Variants in TP53BP1 observed in about 807,000 individuals in gnomAD.
TP53BP1 encodes the protein tumor protein p53 binding protein 1.
TP53BP1 carries 61 observed loss-of-function variants against 200.8 expected under a neutral mutation model. The ratio of observed to expected loss-of-function variants is 0.30; its 90% CI spans 0.25 to 0.38. The LOEUF (loss-of-function observed/expected upper bound fraction) is 0.38. Among genes scored for constraint, TP53BP1 ranks in the 10% least tolerant of loss-of-function variants. TP53BP1 has a pLI of 1.00. For synonymous variants in TP53BP1, 822 were observed against 844.3 expected (o/e 0.97, Z 0.46); for missense variants, 2,144 against 2,371.9 (o/e 0.90, Z 2.00).
rs752479498 is a variant in TP53BP1 at position 43,469,939 on chromosome 15, T to C, written c.1308A>G (p.Gln436=). 8 of 1,614,100 alleles carry C rather than the reference T, an allele frequency of 5.0e-6. No homozygotes were observed. The East Asian group carries it at 1.6e-4, about 31-fold the overall frequency. The part of the protein sequence containing the change: ...PLLPESTVSP[Q]ASTPISQSTP... Reference sequence around the variant, plus strand: ...TGCTCTGAGATATTGGTGTTGAGGCTTGTGGTGATACAGTGGACTCAGGCA... The same window carrying C: ...TGCTCTGAGATATTGGTGTTGAGGCCTGTGGTGATACAGTGGACTCAGGCA... The change falls in exon 11 of 28, where the codon CAA becomes CAG. Residue 436 remains glutamine (Q), a synonymous_variant. Transcript: ENST00000382044.
At chr15:43,477,085 G>GACCACAA (rs2078894447) in intron 8 of TP53BP1, among the ~76,000 whole-genome samples, 1 of 152,108 alleles carries the variant, frequency 6.6e-6, no homozygotes, top group African/African-American at 2.4e-5. Flanking sequence ...CGGATCACAA[G>GACCACAA]GTCAGGAGAT....
upstream of TP53BP1, among the ~76,000 whole-genome samples, chr15:43,495,690 G>A (rs139398490): frequency 6.5e-3 from 989 of 151,680 alleles, 9 homozygotes; most frequent in African/African-American, 0.023. Flanking sequence ...GCGGGCAGGC[G>A]CCTGTAGTCC....
chr15:43,499,071 T>A (rs925129677), intron 1 of TP53BP1, among the ~76,000 whole-genome samples: 9 of 149,982 alleles, frequency 6.0e-5, no homozygotes, highest in Non-Finnish European at 1.0e-4. Flanking sequence ...TATGTTTCAA[T>A]GGAAAGAAGG....
chr15:43,442,218 T>G (rs1485853980), intron 14 of TP53BP1, among the ~76,000 whole-genome samples: 2 of 151,508 alleles, frequency 1.3e-5, no homozygotes, highest in Non-Finnish European at 2.9e-5. Context: ...CCCCAGCAGC[T>G]GAAACTACAG....
intron 4 of TP53BP1, among the ~76,000 whole-genome samples, chr15:43,483,743 A>G (rs1595617824): frequency 6.6e-6 from 1 of 152,256 alleles, no homozygotes; most frequent in African/African-American, 2.4e-5. Context: ...AGAGGGAAAG[A>G]AAGTTCAAGA....
intron 14 of TP53BP1, among the ~76,000 whole-genome samples, chr15:43,443,631 G>A (rs889812746): frequency 1.3e-5 from 2 of 152,150 alleles, no homozygotes; most frequent in African/African-American, 4.8e-5. Context: ...GGAGATGGAG[G>A]CTGCAGTGAG....
chr15:43,478,835 A>G (rs746174630), intron 7 of TP53BP1, among the ~76,000 whole-genome samples: 2 of 152,242 alleles, frequency 1.3e-5, no homozygotes, highest in Non-Finnish European at 2.9e-5. Context: ...ACAGACAAGC[A>G]GTGTCTCTGT....
intron 4 of TP53BP1, among the ~76,000 whole-genome samples, chr15:43,481,599 G>A (rs1157081335): frequency 6.6e-6 from 1 of 151,570 alleles, no homozygotes; most frequent in Non-Finnish European, 1.5e-5. Context: ...GGCAGGTCAC[G>A]AGGTCAAGAG....
chr15:43,479,030 G>A (rs1224245363), intron 7 of TP53BP1, among the ~76,000 whole-genome samples: 2 of 152,172 alleles, frequency 1.3e-5, no homozygotes, highest in African/African-American at 2.4e-5. Flanking sequence ...GAGCAACATA[G>A]CGAGACTCCA....
rs34846521 is a variant in TP53BP1, at chr15:43,428,085, T to C, written c.3759A>G (p.Thr1253=). The C allele has an allele frequency of 6.8e-4, 1,100 of 1,613,262 alleles. 4 individuals are homozygous for C. The African/African-American group carries it at 0.013, about 19-fold the overall frequency. The part of the protein sequence containing the change: ...RHMRTIREVR[T]LVTRVITDVY... Reference sequence around the variant, plus strand: ...CATCTGTAATGACACGAGTGACAAGTGTGCGTACTTCCCGGATTGTTCTCA... The same window carrying C: ...CATCTGTAATGACACGAGTGACAAGCGTGCGTACTTCCCGGATTGTTCTCA... The change falls in exon 18 of 28, where the codon ACA becomes ACG. Residue 1253 remains threonine, a synonymous_variant. Coordinates refer to ENST00000382044, the MANE Select transcript of TP53BP1 (RefSeq NM_001141980.3).
At position 43,427,953 on chromosome 15, in the gene TP53BP1, T is replaced by A. The variant is rs531925159; in HGVS notation, c.3828+63A>T. ...GCCTAGGTAACAAAGTAAGACCCTG[T>A]CTCCAAAAAAAAAAAAAAAAGAAAG... On this transcript the variant is annotated intron_variant, in intron 18 of 27. Transcript: ENST00000382044. 6 of 1,138,504 alleles carry A rather than the reference T, an allele frequency of 5.3e-6. No individual in the cohort carries two copies. The South Asian group carries it at 9.7e-5, about 18-fold the overall frequency. The allele number at this position is 1,138,504 out of a possible 1,614,324, so 70.5% of individuals were successfully genotyped here.
chr15:43,445,745 C>T (rs1048335131), intron 14 of TP53BP1, among the ~76,000 whole-genome samples: 7 of 152,124 alleles, frequency 4.6e-5, no homozygotes, highest in African/African-American at 9.7e-5. Context: ...TCTGCCTACT[C>T]GCTCCTCAAA....
At chr15:43,408,855 T>C (rs2045017349) in intron 26 of TP53BP1, 42 bp downstream of exon 26, 4 of 1,590,866 alleles carry the variant, frequency 2.5e-6, no homozygotes, top group East Asian at 4.5e-5. Flanking sequence ...AAGCTTGCTG[T>C]CCTCCTGCCT....
Position 43,432,695 on chromosome 15 carries a change from AAAG to A in TP53BP1, c.3192-21_3192-19del, listed in dbSNP as rs1481338828. 6.3e-7 allele frequency: 1 copy of A among 1,587,090 alleles called. No individual in the cohort carries two copies. Among genetic ancestry groups the A allele is most frequent in the East Asian group, 2.2e-5 (1 of 44,570 alleles). On this transcript the variant is annotated intron_variant, in intron 16 of 27. Transcript: ENST00000382044. Reference sequence around the variant, plus strand: ...AGTTCCCCCTGAAAATGCAACATATAAAGAAGCCATGTCAATTAAGCAAGTGTA... The same window carrying A: ...AGTTCCCCCTGAAAATGCAACATATAAAGCCATGTCAATTAAGCAAGTGTA...
chr15:43,410,048 A>G (rs1218885240), intron 24 of TP53BP1, among the ~76,000 whole-genome samples: 1 of 152,222 alleles, frequency 6.6e-6, no homozygotes, highest in African/African-American at 2.4e-5. Context: ...CATTTCCCAC[A>G]GTGACATATT....
chr15:43,507,528 T>G (rs111315459), intron 1 of TP53BP1, among the ~76,000 whole-genome samples: 121 of 152,352 alleles, frequency 7.9e-4, no homozygotes, highest in African/African-American at 2.7e-3. Flanking sequence ...TTGAATTGCA[T>G]CGTTTTACTA....
intron 18 of TP53BP1, among the ~76,000 whole-genome samples, chr15:43,425,573 T>C (rs2045507309): frequency 6.6e-6 from 1 of 152,190 alleles, no homozygotes; most frequent in Admixed American, 6.5e-5. Flanking sequence ...TGAGCTGTGA[T>C]CATACCACTG....
rs1347208737 is a variant in TP53BP1, at chr15:43,403,855, A to G, written c.*3528T>C. On this transcript the variant is annotated 3_prime_UTR_variant, in exon 28 of 28. Transcript: ENST00000382044. ...CGAAAGGACAGAGGTGGTTTTGCCA[A>G]TGGAGAATTCATGATCTTTCCTCTG... 3.9e-6 allele frequency: 5 copies of G among 1,271,716 alleles called. No individual in the cohort carries two copies. Among genetic ancestry groups the G allele is most frequent in the African/African-American group, 2.9e-5 (2 of 68,262 alleles). 78.8% of individuals were successfully genotyped at this position (1,271,716 alleles called of 1,614,324 possible).
intron 4 of TP53BP1, 135 bp from the exon 5 acceptor site, chr15:43,481,157 CTTCT>C (rs2078959182): frequency 8.9e-6 from 8 of 895,256 alleles, no homozygotes; most frequent in Non-Finnish European, 1.3e-5. Context: ...CTTTATAGTG[CTTCT>C]TTCTACAAAA....
Sources: allele counts gnomAD v4.1 joint callset (sites outside exome capture counted in the v4.1 genomes callset), GRCh38; gene constraint gnomAD v4.1.1; transcripts MANE v1.5; gene names NCBI Gene and HGNC (gene_info 2026-07-23, HGNC 2026-07-21).